Variants in SFTPB observed in about 807,000 individuals in gnomAD.
SFTPB encodes pulmonary surfactant-associated protein B.
SFTPB carries 32 observed loss-of-function variants against 51.0 expected under a neutral mutation model. That is an observed-to-expected ratio of 0.63 (90% confidence interval 0.47 to 0.84). The LOEUF (loss-of-function observed/expected upper bound fraction) is 0.84, where lower values mean the gene tolerates loss of function less well. Ranked by LOEUF, SFTPB falls within the 40% of genes least tolerant of loss-of-function variation. The pLI, the probability that SFTPB is intolerant of heterozygous loss-of-function variation, is 0.00. For missense variants in SFTPB, 431 were observed against 491.2 expected (o/e 0.88, Z 1.16); for synonymous variants, 211 against 208.5 (o/e 1.01, Z -0.10).
chr2:85,668,566 C>G, upstream of SFTPB: 1 of 312,698 alleles, frequency 3.2e-6, no homozygotes. Flanking sequence ...CTGGGCCTCC[C>G]AGGCCCCCTC....
At chr2:85,663,976 T>C in intron 6 of SFTPB, 129 bp from the exon 7 acceptor site, 1 of 892,892 alleles carries the variant, frequency 1.1e-6, no homozygotes, top group Non-Finnish European at 1.7e-6. Flanking sequence ...GCAAGGCTAT[T>C]CACAAATAAG....
upstream of SFTPB, chr2:85,668,241 G>T: frequency 6.6e-7 from 1 of 1,506,690 alleles, no homozygotes; most frequent in Non-Finnish European, 9.0e-7. Flanking sequence ...GCTGGGCGGG[G>T]CGTGGGGGCT....
chr2:85,660,890 C>T (rs1677262290), intron 10 of SFTPB, among the ~76,000 whole-genome samples: 1 of 152,200 alleles, frequency 6.6e-6, no homozygotes, highest in African/African-American at 2.4e-5. Flanking sequence ...CCTGCCCTCT[C>T]AGGGTCATTT....
At chr2:85,659,722 C>G (rs1677194100) in intron 10 of SFTPB, 40 bp from the exon 11 acceptor site, 1 of 152,458 alleles carries the variant, frequency 6.6e-6, no homozygotes, top group Non-Finnish European at 1.5e-5. Flanking sequence ...GTGTGTATGT[C>G]CTGCCTGGGG....
At chr2:85,662,660 G>A (rs1052851912) in intron 8 of SFTPB, among the ~76,000 whole-genome samples, 1 of 152,014 alleles carries the variant, frequency 6.6e-6, no homozygotes, top group Non-Finnish European at 1.5e-5. Flanking sequence ...GACCAATATG[G>A]TGAAACCTTG....
At chr2:85,661,268 G>A (rs939624189) in intron 10 of SFTPB, 186 bp downstream of exon 10, 30 of 514,602 alleles carry the variant, frequency 5.8e-5, no homozygotes, top group African/African-American at 2.5e-4. Flanking sequence ...CTCGGGGTCC[G>A]GAAAGGGTGT....
In SFTPB at chr2:85,666,359, C is replaced by CTG. The variant is rs57610071; in HGVS notation, c.393+256_393+257dup. Among the ~76,000 whole-genome samples the CTG allele has an allele frequency of 0.024, 2,545 of 105,940 alleles. 48 individuals carry two copies. The highest frequency in any genetic ancestry group is 0.088 in the African/African-American group (2,355 of 26,722). The allele number at this position is 105,940 out of a possible 152,430, so 69.5% of individuals were successfully genotyped here. A position where few individuals can be genotyped will look rare whatever the true frequency, so the allele number is the denominator to read the frequency against. ...TGTGTGTATGTGTCTGGATAGGGTG[C>CTG]TGTGTGTGTGTGTGTCCGGCCAGCT... On this transcript the variant is annotated intron_variant, in intron 4 of 10. Transcript: ENST00000519937.
At chr2:85,668,476 C>T (rs764273051), upstream of SFTPB, among the ~76,000 whole-genome samples, 12 of 152,306 alleles carry the variant, frequency 7.9e-5, no homozygotes, top group African/African-American at 1.9e-4. Context: ...TCCCACCTCT[C>T]CAGGCCGTGG....
In SFTPB at chr2:85,666,707, G is replaced by T. The variant is rs772677222; in HGVS notation, c.303C>A (p.Asn101Lys). The change falls in exon 4 of 11, where the codon AAC becomes AAA. Residue 101 changes from asparagine to lysine, a missense_variant. By Grantham distance (94) the Asn-to-Lys change is moderately conservative (BLOSUM62 0). Transcript: ENST00000519937. ...TMRKFLEQECNVLPLKLLMPQ... is the reference protein window; with the variant it reads ...TMRKFLEQECKVLPLKLLMPQ... The stretch of plus-strand genomic sequence containing the variant: ...GCATGAGCAGCTTCAAGGGGAGGAC[G>T]TTGCACTCCTGCTCCAGGAACTTCC... The T allele has an allele frequency of 1.2e-6, 2 of 1,613,708 alleles. No individual in the cohort carries two copies. The highest frequency in any genetic ancestry group is 1.7e-6 in the Non-Finnish European group (2 of 1,179,860).
At position 85,666,635 on chromosome 2, in the gene SFTPB, G is replaced by C; in HGVS notation, c.375C>G (p.Asp125Glu). The C allele has an allele frequency of 2.5e-6, 4 of 1,613,716 alleles. No individual in the cohort carries two copies. Among genetic ancestry groups the C allele is most frequent in the Non-Finnish European group, 3.4e-6 (4 of 1,179,786 alleles). ...VLDDYFPLVI[D>E]YFQNQTDSNG... Reference sequence around the variant, plus strand: ...CCCTCACAGTCTGGTTCTGGAAGTAGTCGATGACCAGGGGGAAGTAGTCGT... The same window carrying C: ...CCCTCACAGTCTGGTTCTGGAAGTACTCGATGACCAGGGGGAAGTAGTCGT... Residue 125 changes from aspartate (D) to glutamate (E), a missense_variant, in exon 4 of 11, where the codon GAC (aspartate) becomes GAG (glutamate). Asp to Glu is a conservative substitution (Grantham distance 45). Coordinates refer to ENST00000519937, the MANE Select transcript of SFTPB (RefSeq NM_000542.5).
intron 8 of SFTPB, among the ~76,000 whole-genome samples, 153 bp downstream of exon 8, chr2:85,663,193 A>C (rs1677396802): frequency 6.6e-6 from 1 of 152,168 alleles, no homozygotes; most frequent in African/African-American, 2.4e-5. Flanking sequence ...GCCCTAACTT[A>C]CAGTCCCACC....
At position 85,666,743 on chromosome 2, in the gene SFTPB, CT is replaced by C. The variant is rs1213187506; in HGVS notation, c.268-2del. On this transcript the variant is annotated splice_acceptor_variant, in intron 3 of 10. Coordinates refer to ENST00000519937, the MANE Select transcript of SFTPB (RefSeq NM_000542.5). LOFTEE classifies it high-confidence loss of function. The stretch of plus-strand genomic sequence containing the variant: ...GCTCCAGGAACTTCCTCATCGTGTC[CT>C]GGGAGGCCAGAGGGGGCCGTCAGCT... The C allele has an allele frequency of 6.2e-7, 1 of 1,613,630 alleles. No homozygotes were observed. The highest frequency in any genetic ancestry group is 8.5e-7 in the Non-Finnish European group (1 of 1,179,850).
rs905092685 is a variant in SFTPB at position 85,658,007 on chromosome 2, ATGG to A, written c.*1692_*1694del. The A allele has an allele frequency of 6.6e-6, 1 of 152,054 alleles. No individual in the cohort carries two copies. Among genetic ancestry groups the A allele is most frequent in the Non-Finnish European group, 1.5e-5 (1 of 68,002 alleles). 9.4% of individuals were successfully genotyped at this position (152,054 alleles called of 1,614,324 possible). A position where few individuals can be genotyped will look rare whatever the true frequency, so the allele number is the denominator to read the frequency against. On this transcript the variant is annotated 3_prime_UTR_variant, in exon 11 of 11. Transcript: ENST00000519937. ...TAGGGTGGGGCAGGAACAAATCACA[ATGG>A]TGGAATGTCATCAGTTAAGGCAGGA...
At position 85,665,627 on chromosome 2, in the gene SFTPB, C is replaced by T. The variant is rs543913426; in HGVS notation, c.561G>A (p.Ala187=). The T allele has an allele frequency of 3.0e-5, 49 of 1,613,900 alleles. No individual in the cohort carries two copies. The highest frequency in any genetic ancestry group is 1.5e-4 in the African/African-American group (11 of 75,036). Residue 187 remains alanine (A), a synonymous_variant, in exon 5 of 11, where the codon GCG becomes GCA. Coordinates refer to ENST00000519937, the MANE Select transcript of SFTPB (RefSeq NM_000542.5). ...TCACCTGTGTGTGAGGCCCAGGCCT[C>T]GCCTGGAGGGCCCCGGGCAGCACAG... ...VLPVLPGALQ[A]RPGPHTQDLS...
In SFTPB at chr2:85,666,509, G is replaced by A; in HGVS notation, c.393+108C>T. ...GCTTGGGTGCTGTGTGTGTGTGTGTGTGTGTGTGTGTGTCTGGCTGGCTGG... is the reference window on the plus strand; with the variant it reads ...GCTTGGGTGCTGTGTGTGTGTGTGTATGTGTGTGTGTGTCTGGCTGGCTGG... On this transcript the variant is annotated intron_variant, in intron 4 of 10. Transcript: ENST00000519937. The A allele has an allele frequency of 5.4e-6, 6 of 1,111,922 alleles. No individual in the cohort carries two copies. In the Admixed American group the frequency reaches 8.0e-5, roughly 15 times the overall value. The allele number at this position is 1,111,922 out of a possible 1,614,324, so 68.9% of individuals were successfully genotyped here.
At chr2:85,662,268 A>C in intron 8 of SFTPB, 159 bp from the exon 9 acceptor site, 1 of 1,473,654 alleles carries the variant, frequency 6.8e-7, no homozygotes, top group Admixed American at 2.2e-5. Flanking sequence ...ACCCTTAACA[A>C]ACTGGAGCCA....
In SFTPB at chr2:85,662,038, G is replaced by A; in HGVS notation, c.1074C>T (p.Thr358=). ...GGAGGGGTGGGTGTACCTGGCAGGT[G>A]GTGTGGGCATCCCAGCCCCTGGGCA... ...TLVPRGWDAH[T]TCQALGVCGT... Residue 358 remains threonine (T), a synonymous_variant, in exon 9 of 11, where the codon ACC becomes ACT. Coordinates refer to ENST00000519937, the MANE Select transcript of SFTPB (RefSeq NM_000542.5). 2 of 1,597,896 alleles carry A rather than the reference G, an allele frequency of 1.3e-6. No individual in the cohort carries two copies. The highest frequency in any genetic ancestry group is 1.1e-5 in the South Asian group (1 of 87,488).
At chr2:85,666,101 G>A in intron 4 of SFTPB, among the ~76,000 whole-genome samples, 1 of 152,152 alleles carries the variant, frequency 6.6e-6, no homozygotes, top group East Asian at 1.9e-4. Flanking sequence ...GTGTGCACCT[G>A]AACCTGGGGG....
rs1677123604 is a variant in SFTPB at position 85,657,872 on chromosome 2, A to C, written c.*1830T>G. ...TCAATGGCGGAGAGAATATTACAAA[A>C]TACCTTCTTAAGGGTGCGGGGGTGC... On this transcript the variant is annotated 3_prime_UTR_variant, in exon 11 of 11. Coordinates refer to ENST00000519937, the MANE Select transcript of SFTPB (RefSeq NM_000542.5). The C allele has an allele frequency of 6.7e-6, 1 of 149,228 alleles. No individual in the cohort carries two copies. Among genetic ancestry groups the C allele is most frequent in the Non-Finnish European group, 1.5e-5 (1 of 67,392 alleles). The allele number at this position is 149,228 out of a possible 1,614,324, so 9.2% of individuals were successfully genotyped here. A position where few individuals can be genotyped will look rare whatever the true frequency, so the allele number is the denominator to read the frequency against.
Sources: allele counts gnomAD v4.1 joint callset (sites outside exome capture counted in the v4.1 genomes callset), GRCh38; gene constraint gnomAD v4.1.1; transcripts MANE v1.5; gene names NCBI Gene and HGNC (gene_info 2026-07-23, HGNC 2026-07-21).